ALMS1: variants seen among roughly 807,000 people sequenced by gnomAD.
The protein encoded by ALMS1 is centrosome-associated protein ALMS1.
A neutral mutation model predicts 352.2 loss-of-function variants in ALMS1; 271 were observed. The observed-to-expected ratio is 0.77, with a 90% CI of 0.70 to 0.85. ALMS1 has a LOEUF of 0.85. Among genes scored for constraint, ALMS1 ranks in the 40% least tolerant of loss-of-function variants. ALMS1 has a pLI of 0.00. For missense variants in ALMS1, 5,445 were observed against 4,870.7 expected, an observed-to-expected ratio of 1.12 and a Z score of -3.51; for synonymous variants, 1,865 against 1,761.2, an observed-to-expected ratio of 1.06 and a Z score of -1.48.
chr2:73,531,132 T>C (rs945438807), intron 11 of ALMS1, among the ~76,000 whole-genome samples: 6 of 152,260 alleles, frequency 3.9e-5, no homozygotes. Context: ...ATTCCTTGAA[T>C]GGGTTTTTCT....
At chr2:73,498,302 G>A (rs1348260310) in intron 10 of ALMS1, among the ~76,000 whole-genome samples, 3 of 151,666 alleles carry the variant, frequency 2.0e-5, no homozygotes, top group East Asian at 1.9e-4. Context: ...CATAGTAGGT[G>A]TATATGTTTA....
intron 8 of ALMS1, 80 bp downstream of exon 8, chr2:73,454,147 T>C: frequency 1.3e-6 from 2 of 1,530,898 alleles, no homozygotes; most frequent in Non-Finnish European, 1.8e-6. Context: ...TTGAGGAAGC[T>C]TAGCCAATGA....
Position 73,572,479 on chromosome 2 carries a change from C to G in ALMS1, c.10602C>G (p.Asn3534Lys). Reference sequence around the variant, plus strand: ...TGTGTCTTCCTCTTCCTTATCAAAACATGGACAAGACTAAGACAGATTATA... The same window carrying G: ...TGTGTCTTCCTCTTCCTTATCAAAAGATGGACAAGACTAAGACAGATTATA... ...EHMCLPLPYQNMDKTKTDYTR... is the reference protein window; with the variant it reads ...EHMCLPLPYQKMDKTKTDYTR... The change falls in exon 16 of 23, where the codon AAC becomes AAG. Residue 3534 changes from asparagine to lysine, a missense_variant. Transcript: ENST00000613296. 1.9e-6 allele frequency: 3 copies of G among 1,613,924 alleles called. No homozygotes were observed. The highest frequency in any genetic ancestry group is 2.5e-6 in the Non-Finnish European group (3 of 1,179,960).
chr2:73,482,280 A>G (rs1218939469), intron 9 of ALMS1, among the ~76,000 whole-genome samples: 1 of 152,228 alleles, frequency 6.6e-6, no homozygotes, highest in African/African-American at 2.4e-5. Context: ...GAGAGTTTTT[A>G]GCATGAAGTG....
At chr2:73,544,569 G>T (rs917050500) in intron 12 of ALMS1, among the ~76,000 whole-genome samples, 1 of 152,116 alleles carries the variant, frequency 6.6e-6, no homozygotes, top group African/African-American at 2.4e-5. Context: ...TGTTGTCAGG[G>T]ACATGGAGAA....
rs1671935357 is a variant in ALMS1, at chr2:73,451,397, CCCATT to C, written c.4871_4875del (p.Pro1624HisfsTer14). ...AGGTTCCAGTGCACTTGGAGAGAAG[CCCATT>C]ACTTTCTACCGGCAGGCTCTGCTAG... On this transcript the variant is annotated frameshift_variant, in exon 8 of 23. Transcript: ENST00000613296. LOFTEE classifies it high-confidence loss of function. The C allele has an allele frequency of 6.2e-7, 1 of 1,613,620 alleles. No individual in the cohort carries two copies. The highest frequency in any genetic ancestry group is 1.7e-5 in the Admixed American group (1 of 59,948).
chr2:73,424,925 A>G, intron 5 of ALMS1, 23 bp downstream of exon 5: 2 of 1,556,832 alleles, frequency 1.3e-6, no homozygotes, highest in South Asian at 2.4e-5. Flanking sequence ...ATTCTTTTTC[A>G]GATTCATCTG....
chr2:73,473,495 G>A (rs1672510795), intron 9 of ALMS1, among the ~76,000 whole-genome samples: 1 of 151,984 alleles, frequency 6.6e-6, no homozygotes, highest in Admixed American at 6.6e-5. Flanking sequence ...AATATGTCCA[G>A]TTTTCAACAA....
chr2:73,558,444 T>C (rs933971480), intron 14 of ALMS1, among the ~76,000 whole-genome samples: 8 of 152,230 alleles, frequency 5.3e-5, no homozygotes, highest in African/African-American at 1.9e-4. Context: ...AAAACTTTAG[T>C]GTTTCATTGC....
chr2:73,443,859 C>T (rs1353846368), intron 7 of ALMS1, among the ~76,000 whole-genome samples: 1 of 152,052 alleles, frequency 6.6e-6, no homozygotes, highest in African/African-American at 2.4e-5. Context: ...GACTATATGT[C>T]AGTTGTAATG....
At chr2:73,556,858 A>G (rs1390664508) in intron 13 of ALMS1, among the ~76,000 whole-genome samples, 3 of 151,894 alleles carry the variant, frequency 2.0e-5, no homozygotes, top group African/African-American at 7.3e-5. Context: ...GTGCACCACG[A>G]CGCCTGCTAG....
chr2:73,540,524 T>C (rs555980496), intron 12 of ALMS1, among the ~76,000 whole-genome samples: 4 of 152,088 alleles, frequency 2.6e-5, no homozygotes, highest in African/African-American at 9.7e-5. Context: ...CACATAACAA[T>C]ATTAATCTTA....
At chr2:73,422,614 T>C (rs1671306249) in intron 3 of ALMS1, among the ~76,000 whole-genome samples, 1 of 152,160 alleles carries the variant, frequency 6.6e-6, no homozygotes, top group African/African-American at 2.4e-5. Context: ...ATAAGATATA[T>C]ATAATAATAC....
At chr2:73,569,963 AC>A (rs1480655321) in intron 15 of ALMS1, among the ~76,000 whole-genome samples, 1 of 152,230 alleles carries the variant, frequency 6.6e-6, no homozygotes, top group African/African-American at 2.4e-5. Flanking sequence ...GACTACTTTG[AC>A]CACTATTTGA....
rs973057702 is a variant in ALMS1 at position 73,385,955 on chromosome 2, TGCA to T, written c.90_92del (p.Ala35del). Reference sequence around the variant, plus strand: ...AGGAGGAGGAGGAAGAGGAGGAGGCTGCAGCGGCGGCGGCGGCGAACGTGGACG... The same window carrying T: ...AGGAGGAGGAGGAAGAGGAGGAGGCTGCGGCGGCGGCGGCGAACGTGGACG... On this transcript the variant is annotated inframe_deletion, in exon 1 of 23. Coordinates refer to ENST00000613296, the MANE Select transcript of ALMS1 (RefSeq NM_001378454.1). 6 of 1,367,512 alleles carry T rather than the reference TGCA, an allele frequency of 4.4e-6. No individual in the cohort carries two copies. In the East Asian group the frequency reaches 1.3e-4, roughly 30 times the overall value. 84.7% of individuals were successfully genotyped at this position (1,367,512 alleles called of 1,614,324 possible).
intron 15 of ALMS1, among the ~76,000 whole-genome samples, chr2:73,563,363 C>A (rs1214867015): frequency 1.3e-5 from 2 of 152,038 alleles, no homozygotes; most frequent in African/African-American, 2.4e-5. Context: ...AATAACTTAG[C>A]ATAAAAAATT....
At chr2:73,418,175 T>C (rs1671215315) in intron 2 of ALMS1, among the ~76,000 whole-genome samples, 1 of 152,208 alleles carries the variant, frequency 6.6e-6, no homozygotes, top group Non-Finnish European at 1.5e-5. Context: ...TTTAGTAAAG[T>C]GTCAGTATGT....
chr2:73,422,496 C>T (rs1168000520), intron 3 of ALMS1, among the ~76,000 whole-genome samples: 1 of 152,108 alleles, frequency 6.6e-6, no homozygotes, highest in African/African-American at 2.4e-5. Flanking sequence ...AGAGCGTTTG[C>T]TAAAAGTTGA....
At chr2:73,602,445 A>G in intron 20 of ALMS1, 77 bp downstream of exon 20, 6 of 1,569,716 alleles carry the variant, frequency 3.8e-6, no homozygotes, top group Non-Finnish European at 5.2e-6. Context: ...GAGCCCTGCT[A>G]AAGGCCAGCC....
Sources: gnomAD v4.1 joint callset for allele counts (sites outside exome capture counted in the v4.1 genomes callset) on GRCh38, gnomAD v4.1.1 for gene constraint, MANE v1.5 for transcripts, NCBI Gene and HGNC (gene_info 2026-07-23, HGNC 2026-07-21) for gene names.